Variants in CDH12 observed in about 807,000 individuals in gnomAD.
CDH12 encodes the protein cadherin 12.
A neutral mutation model predicts 74.1 loss-of-function variants in CDH12; 41 were observed. The observed-to-expected ratio is 0.55, with a 90% CI of 0.43 to 0.72. The LOEUF (loss-of-function observed/expected upper bound fraction) is 0.72. Among genes scored for constraint, CDH12 ranks in the 30% least tolerant of loss-of-function variants. The pLI, the probability that CDH12 is intolerant of heterozygous loss-of-function variation, is 0.00. For missense variants in CDH12, 945 were observed against 977.2 expected (o/e 0.97, Z 0.44); for synonymous variants, 399 against 355.0 (o/e 1.12, Z -1.39).
chr5:21,945,652 G>C (rs1389519578), intron 6 of CDH12, among the ~76,000 whole-genome samples: 1 of 151,654 alleles, frequency 6.6e-6, no homozygotes, highest in African/African-American at 2.4e-5. Flanking sequence ...AGATTCAGAG[G>C]ATGGTCACAA....
At chr5:22,414,142 C>A (rs951929418) in intron 2 of CDH12, among the ~76,000 whole-genome samples, 1 of 151,766 alleles carries the variant, frequency 6.6e-6, no homozygotes, top group Non-Finnish European at 1.5e-5. Context: ...ATTCCATAGG[C>A]AAGAATACCT....
chr5:21,751,605 C>CTAGA lies in CDH12; in HGVS notation c.*131_*132insTCTA. 4.4e-6 allele frequency: 1 copy of CTAGA among 226,846 alleles called. No homozygotes were observed. The highest frequency in any genetic ancestry group is 7.4e-6 in the Non-Finnish European group (1 of 134,574). The allele number at this position is 226,846 out of a possible 1,614,324, so 14.1% of individuals were successfully genotyped here. On this transcript the variant is annotated 3_prime_UTR_variant, in exon 15 of 15. Transcript: ENST00000382254. ...ACCAGGTAATCAAAGGAATCTTGTC[C>CTAGA]CAGAGTGTGTGTGTGTGTGTGTGTG...
At chr5:22,387,467 CT>C (rs1554036900) in intron 3 of CDH12, among the ~76,000 whole-genome samples, 1 of 151,976 alleles carries the variant, frequency 6.6e-6, no homozygotes, top group Non-Finnish European at 1.5e-5. Flanking sequence ...CCCTATCCAC[CT>C]TTGTTAGAGT....
At chr5:22,164,835 G>A (rs1215401575) in intron 4 of CDH12, among the ~76,000 whole-genome samples, 1 of 143,188 alleles carries the variant, frequency 7.0e-6, no homozygotes, top group South Asian at 2.4e-4. Context: ...GCTAGGCTTA[G>A]GGATTCTTAG....
rs111835226 is a variant in CDH12 at position 21,975,326 on chromosome 5, G to C, written c.291C>G (p.Gly97=). The C allele has an allele frequency of 6.3e-7, 1 of 1,597,042 alleles. No homozygotes were observed. The highest frequency in any genetic ancestry group is 8.5e-7 in the Non-Finnish European group (1 of 1,179,444). The change falls in exon 6 of 15, where the codon GGC becomes GGG. Residue 97 remains glycine (G), a synonymous_variant. Coordinates refer to ENST00000382254, the MANE Select transcript of CDH12 (RefSeq NM_004061.5). Reference sequence around the variant, plus strand: ...CATCAATGGTAAAAACGGTGCCAGCGCCATCTCCTGAGAGGGTGTATTTCA... The same window carrying C: ...CATCAATGGTAAAAACGGTGCCAGCCCCATCTCCTGAGAGGGTGTATTTCA... ...GTVKYTLSGD[G]AGTVFTIDET...
At chr5:21,818,875 A>G (rs1051913564) in intron 8 of CDH12, among the ~76,000 whole-genome samples, 1 of 152,032 alleles carries the variant, frequency 6.6e-6, no homozygotes, top group African/African-American at 2.4e-5. Flanking sequence ...AAAATGTTAC[A>G]TAGATATTAT....
At position 21,765,110 on chromosome 5, in the gene CDH12, C is replaced by A; in HGVS notation, c.1394-11G>T. The stretch of plus-strand genomic sequence containing the variant: ...TCAATAAAGGGTTACCTGTTAAAAA[C>A]ATATAAAGATAAAAGATGATTACAA... On this transcript the variant is annotated splice_polypyrimidine_tract_variant and intron_variant, in intron 11 of 14. Transcript: ENST00000382254. 6.5e-7 allele frequency: 1 copy of A among 1,530,376 alleles called. No individual in the cohort carries two copies. 94.8% of individuals were successfully genotyped at this position (1,530,376 alleles called of 1,614,324 possible).
At chr5:22,086,837 A>G (rs1743099009) in intron 4 of CDH12, among the ~76,000 whole-genome samples, 11 of 152,194 alleles carry the variant, frequency 7.2e-5, no homozygotes, top group Admixed American at 7.2e-4. Context: ...GAGAAAAGAA[A>G]TCGATCACAT....
intron 9 of CDH12, among the ~76,000 whole-genome samples, chr5:21,804,918 G>A (rs1426713794): frequency 2.0e-5 from 3 of 152,026 alleles, no homozygotes; most frequent in Non-Finnish European, 4.4e-5. Context: ...AGATAGAAGC[G>A]TGCACTAGCT....
At chr5:22,397,689 G>A (rs576571773) in intron 3 of CDH12, among the ~76,000 whole-genome samples, 2 of 152,108 alleles carry the variant, frequency 1.3e-5, no homozygotes, top group African/African-American at 4.8e-5. Flanking sequence ...TATTGCTACA[G>A]TTTAATTGTA....
intron 1 of CDH12, among the ~76,000 whole-genome samples, chr5:22,570,439 A>C (rs530662722): frequency 6.6e-6 from 1 of 152,180 alleles, no homozygotes; most frequent in Non-Finnish European, 1.5e-5. Flanking sequence ...TCACAGGTAT[A>C]AAAATAACAT....
intron 6 of CDH12, chr5:21,889,742 G>A: frequency 1.0e-6 from 1 of 982,690 alleles, no homozygotes; most frequent in South Asian, 4.7e-5. Flanking sequence ...GGTTTTGTTT[G>A]CTTTCTTTCT....
At chr5:22,478,262 C>CA (rs1328590224) in intron 2 of CDH12, among the ~76,000 whole-genome samples, 12 of 151,470 alleles carry the variant, frequency 7.9e-5, no homozygotes, top group African/African-American at 2.7e-4. Flanking sequence ...ACTAAATATA[C>CA]AAAAAATAAG....
At chr5:21,830,932 G>A (rs533697220) in intron 8 of CDH12, among the ~76,000 whole-genome samples, 6 of 152,040 alleles carry the variant, frequency 3.9e-5, no homozygotes, top group African/African-American at 1.4e-4. Flanking sequence ...CCAGCTACTC[G>A]GGAGGCTGAG....
At chr5:21,780,272 T>A (rs1579687519) in intron 11 of CDH12, among the ~76,000 whole-genome samples, 1 of 152,288 alleles carries the variant, frequency 6.6e-6, no homozygotes, top group East Asian at 1.9e-4. Context: ...AAATTAGGAT[T>A]CTAAGATCTA....
intron 1 of CDH12, among the ~76,000 whole-genome samples, chr5:22,745,264 C>T (rs2127024721): frequency 6.6e-6 from 1 of 150,636 alleles, no homozygotes; most frequent in East Asian, 2.0e-4. Context: ...AACAAATAAG[C>T]ATTCCATTGA....
Position 22,284,950 on chromosome 5 carries a change from G to A in CDH12, c.-332-72307C>T, listed in dbSNP as rs1166766956. On this transcript the variant is annotated intron_variant, in intron 3 of 14. Transcript: ENST00000382254. Reference sequence around the variant, plus strand: ...AAGAGAAAAAAAGGGAAGAAGAAATGAAAAAAAAAAAAGCATTGAGCAAAG... The same window carrying A: ...AAGAGAAAAAAAGGGAAGAAGAAATAAAAAAAAAAAAAGCATTGAGCAAAG... 5.8e-4 allele frequency among the ~76,000 whole-genome samples: 82 copies of A among 140,550 alleles called. 1 individual carries two copies. Among genetic ancestry groups the A allele is most frequent in the Admixed American group, 2.6e-3 (37 of 13,990 alleles). 92.2% of individuals were successfully genotyped at this position (140,550 alleles called of 152,430 possible).
At chr5:22,730,248 C>T (rs1022743185) in intron 1 of CDH12, among the ~76,000 whole-genome samples, 7 of 151,584 alleles carry the variant, frequency 4.6e-5, no homozygotes, top group African/African-American at 1.7e-4. Flanking sequence ...TCATTTTATC[C>T]TTCTTTAGTC....
intron 6 of CDH12, among the ~76,000 whole-genome samples, chr5:21,898,314 C>T (rs893079671): frequency 1.3e-5 from 2 of 152,060 alleles, no homozygotes; most frequent in Non-Finnish European, 2.9e-5. Context: ...TCCTCAAACT[C>T]CTGGTCTCAA....
Sources: gnomAD v4.1 joint callset for allele counts (sites outside exome capture counted in the v4.1 genomes callset) on GRCh38, gnomAD v4.1.1 for gene constraint, MANE v1.5 for transcripts, NCBI Gene and HGNC (gene_info 2026-07-23, HGNC 2026-07-21) for gene names.